Variants in TENT2 observed in about 807,000 individuals in gnomAD.
TENT2 encodes poly(A) RNA polymerase GLD2.
TENT2 carries 44 observed loss-of-function variants against 72.2 expected under a neutral mutation model. The observed-to-expected ratio is 0.61, with a 90% CI of 0.48 to 0.78. The LOEUF is 0.78. TENT2 is among the 30% of genes least tolerant of loss of function. TENT2 has a pLI of 0.00. For missense variants in TENT2, 541 were observed against 569.6 expected (o/e 0.95, Z 0.51); for synonymous variants, 212 against 192.5 (o/e 1.10, Z -0.84).
chr5:79,640,679 C>T (rs1321288022), intron 4 of TENT2, among the ~76,000 whole-genome samples, 172 bp from the exon 5 acceptor site: 1 of 152,092 alleles, frequency 6.6e-6, no homozygotes, highest in Non-Finnish European at 1.5e-5. Context: ...GTTTTTCAGA[C>T]CATTCTCTTC....
chr5:79,657,651 T>G (rs190512839), intron 11 of TENT2, among the ~76,000 whole-genome samples: 1 of 152,292 alleles, frequency 6.6e-6, no homozygotes, highest in East Asian at 1.9e-4. Flanking sequence ...TTGTGTTTCT[T>G]TTTCAGTTTT....
chr5:79,626,860 G>A (rs184345740), intron 4 of TENT2, among the ~76,000 whole-genome samples: 47 of 151,958 alleles, frequency 3.1e-4, no homozygotes, highest in African/African-American at 8.4e-4. Flanking sequence ...TGCTGGGTGT[G>A]GTGGCTCACG....
intron 6 of TENT2, 97 bp from the exon 7 acceptor site, chr5:79,642,735 A>T (rs1418888708): frequency 6.6e-6 from 6 of 913,518 alleles, no homozygotes; most frequent in South Asian, 4.8e-5. Flanking sequence ...AAAGGAAAGT[A>T]TATCTTGTAT....
intron 12 of TENT2, among the ~76,000 whole-genome samples, chr5:79,674,551 T>C (rs1005367548): frequency 3.9e-5 from 6 of 152,180 alleles, no homozygotes; most frequent in Non-Finnish European, 8.8e-5. Context: ...CTAATTGCTG[T>C]TGGTGTTATA....
intron 11 of TENT2, among the ~76,000 whole-genome samples, chr5:79,663,872 A>G (rs1345244812): frequency 6.6e-6 from 1 of 152,208 alleles, no homozygotes; most frequent in Non-Finnish European, 1.5e-5. Flanking sequence ...TTCGAAGTAC[A>G]GTAAAGTGAA....
At chr5:79,651,333 A>G (rs1793836687) in intron 10 of TENT2, among the ~76,000 whole-genome samples, 1 of 151,634 alleles carries the variant, frequency 6.6e-6, no homozygotes, top group Admixed American at 6.6e-5. Flanking sequence ...ATGTTCTTAC[A>G]TTTTCTTTTA....
intron 10 of TENT2, among the ~76,000 whole-genome samples, chr5:79,653,275 A>C (rs1444868779): frequency 1.3e-5 from 2 of 152,148 alleles, no homozygotes; most frequent in African/African-American, 4.8e-5. Flanking sequence ...GCTTGAGGCC[A>C]GGAGTTTGAG....
chr5:79,625,325 G>A (rs2150046813), intron 4 of TENT2, among the ~76,000 whole-genome samples: 1 of 152,190 alleles, frequency 6.6e-6, no homozygotes, highest in African/African-American at 2.4e-5. Flanking sequence ...ATAATGACTT[G>A]TGAATTTATG....
At chr5:79,659,133 G>A (rs755530236) in intron 11 of TENT2, among the ~76,000 whole-genome samples, 11 of 151,942 alleles carry the variant, frequency 7.2e-5, no homozygotes, top group Non-Finnish European at 1.6e-4. Flanking sequence ...CTTACTACCT[G>A]TTCTCACACA....
chr5:79,672,004 G>C (rs1351957677), intron 12 of TENT2, among the ~76,000 whole-genome samples: 2 of 151,932 alleles, frequency 1.3e-5, no homozygotes, highest in Admixed American at 6.6e-5. Flanking sequence ...TTGGGAGGCT[G>C]AGGCACAGGA....
chr5:79,625,005 C>T (rs1464587353), intron 4 of TENT2, among the ~76,000 whole-genome samples: 1 of 152,216 alleles, frequency 6.6e-6, no homozygotes, highest in East Asian at 1.9e-4. Context: ...ATTTTGCATC[C>T]TATCAACAGC....
intron 12 of TENT2, among the ~76,000 whole-genome samples, chr5:79,676,163 TACACACACAC>T (rs59618310): frequency 1.3e-4 from 19 of 147,434 alleles, no homozygotes; most frequent in South Asian, 4.3e-4. Flanking sequence ...TATATATGTA[TACACACACAC>T]ACACACACAC....
intron 10 of TENT2, among the ~76,000 whole-genome samples, chr5:79,654,111 A>C (rs1390215869): frequency 1.3e-5 from 2 of 152,196 alleles, no homozygotes; most frequent in African/African-American, 4.8e-5. Context: ...GGAATTGAGA[A>C]AGGATTTTAA....
chr5:79,635,969 G>A (rs1457066706), intron 4 of TENT2, among the ~76,000 whole-genome samples: 1 of 152,214 alleles, frequency 6.6e-6, no homozygotes, highest in African/African-American at 2.4e-5. Context: ...GGGCCAGATA[G>A]TAAATATTTA....
intron 4 of TENT2, among the ~76,000 whole-genome samples, chr5:79,631,031 A>C (rs973398805): frequency 2.0e-5 from 3 of 152,144 alleles, no homozygotes; most frequent in Non-Finnish European, 4.4e-5. Flanking sequence ...GGTGGAATCC[A>C]TAACATTTGA....
intron 11 of TENT2, among the ~76,000 whole-genome samples, chr5:79,668,450 G>A (rs1335704466): frequency 6.6e-6 from 1 of 152,044 alleles, no homozygotes; most frequent in East Asian, 1.9e-4. Flanking sequence ...TACGGCCTTT[G>A]GGAGAAGTTT....
chr5:79,638,150 T>C (rs1781691557), intron 4 of TENT2, among the ~76,000 whole-genome samples: 1 of 152,150 alleles, frequency 6.6e-6, no homozygotes, highest in African/African-American at 2.4e-5. Context: ...TGCCTTTGCT[T>C]TTTTCCTTTC....
chr5:79,618,725 T>G (rs1428519497), intron 1 of TENT2, among the ~76,000 whole-genome samples: 1 of 152,192 alleles, frequency 6.6e-6, no homozygotes. Context: ...ACTCTAAAAG[T>G]ATGTGGGTAG....
chr5:79,676,030 C>G (rs530715605), intron 12 of TENT2, among the ~76,000 whole-genome samples: 2 of 152,056 alleles, frequency 1.3e-5, no homozygotes, highest in Admixed American at 6.6e-5. Context: ...TTTTCCCTAC[C>G]TACGACATTT....
Sources: allele counts gnomAD v4.1 joint callset (sites outside exome capture counted in the v4.1 genomes callset), GRCh38; gene constraint gnomAD v4.1.1; transcripts MANE v1.5; gene names NCBI Gene and HGNC (gene_info 2026-07-23, HGNC 2026-07-21).